Variants in SMIM3 observed in about 807,000 individuals in gnomAD.
SMIM3 encodes NGF-induced differentiation clone 67 protein.
A neutral mutation model predicts 2.1 loss-of-function variants in SMIM3; 4 were observed. That is an observed-to-expected ratio of 1.89 (90% CI 0.93 to 4.31). The LOEUF (loss-of-function observed/expected upper bound fraction) is 4.31, where lower values mean the gene tolerates loss of function less well. SMIM3 is among the 30% of genes most tolerant of loss of function. The probability of loss-of-function intolerance (pLI) is 0.01; values close to 1 mark genes in which losing one functional copy is unlikely to be tolerated. For synonymous variants in SMIM3, 29 were observed against 30.8 expected, an observed-to-expected ratio of 0.94 and a Z score of 0.19; for missense variants, 79 against 77.7, an observed-to-expected ratio of 1.02 and a Z score of -0.06.
chr5:150,792,016 T>G (rs771148321), intron 1 of SMIM3, among the ~76,000 whole-genome samples: 1 of 152,194 alleles, frequency 6.6e-6, no homozygotes, highest in Non-Finnish European at 1.5e-5. Flanking sequence ...TATTTTACTA[T>G]TAGTGGACAC....
intron 1 of SMIM3, among the ~76,000 whole-genome samples, chr5:150,782,407 C>A (rs1753244955): frequency 6.6e-6 from 1 of 152,152 alleles, no homozygotes; most frequent in Admixed American, 6.5e-5. Flanking sequence ...CTTCTAAGAA[C>A]AGAAAGATTC....
chr5:150,788,715 A>G (rs1323093482), intron 1 of SMIM3, among the ~76,000 whole-genome samples: 1 of 151,406 alleles, frequency 6.6e-6, no homozygotes, highest in African/African-American at 2.4e-5. Context: ...CCCACCTTAT[A>G]TTTGGTCTTG....
intron 1 of SMIM3, among the ~76,000 whole-genome samples, chr5:150,794,039 A>T (rs764622033): frequency 6.6e-6 from 1 of 152,226 alleles, no homozygotes; most frequent in Non-Finnish European, 1.5e-5. Context: ...TCAAAAGAAG[A>T]TGTACAAATG....
Position 150,783,914 on chromosome 5 carries a change from C to CTTTTT in SMIM3, c.-12+4961_-12+4965dup, listed in dbSNP as rs557905770. ...ACTAATGGCAGAGGCTTTGAACTCC[C>CTTTTT]TTTTTTTTTTTTTTTTTTTTTTTGA... On this transcript the variant is annotated intron_variant, in intron 1 of 1. Coordinates refer to ENST00000526627, the MANE Select transcript of SMIM3 (RefSeq NM_032947.5). Among the ~76,000 whole-genome samples the CTTTTT allele has an allele frequency of 1.1e-3, 131 of 124,282 alleles. 4 individuals are homozygous for CTTTTT. Among genetic ancestry groups the CTTTTT allele is most frequent in the African/African-American group, 3.4e-3 (101 of 29,782 alleles). 81.5% of individuals were successfully genotyped at this position (124,282 alleles called of 152,430 possible).
intron 1 of SMIM3, among the ~76,000 whole-genome samples, chr5:150,787,407 T>C (rs1419654462): frequency 1.3e-5 from 2 of 152,230 alleles, no homozygotes; most frequent in African/African-American, 4.8e-5. Flanking sequence ...CTTTATAGAT[T>C]GCGTATCTCT....
Position 150,778,967 on chromosome 5 carries a change from T to C in SMIM3, c.-17T>C. 2.0e-6 allele frequency: 1 copy of C among 507,342 alleles called. No homozygotes were observed. The highest frequency in any genetic ancestry group is 6.0e-5 in the East Asian group (1 of 16,762). 31.4% of individuals were successfully genotyped at this position (507,342 alleles called of 1,614,324 possible). On this transcript the variant is annotated 5_prime_UTR_variant, in exon 1 of 2. Coordinates refer to ENST00000526627, the MANE Select transcript of SMIM3 (RefSeq NM_032947.5). ...GGAACTTTCCGCAGACTCGCCGCCA[T>C]CTGGGGTGAGTGGGGCCACCGGGGG...
At chr5:150,791,590 T>G (rs1158174975) in intron 1 of SMIM3, among the ~76,000 whole-genome samples, 1 of 152,232 alleles carries the variant, frequency 6.6e-6, no homozygotes, top group African/African-American at 2.4e-5. Context: ...ACTAATTTCC[T>G]TCTTTTCTAA....
intron 1 of SMIM3, among the ~76,000 whole-genome samples, chr5:150,793,721 A>G (rs879914393): frequency 2.6e-5 from 4 of 152,224 alleles, no homozygotes; most frequent in African/African-American, 4.8e-5. Context: ...TAAAAATTCT[A>G]GAAGATAACT....
At chr5:150,786,825 G>T (rs1196688075) in intron 1 of SMIM3, among the ~76,000 whole-genome samples, 4 of 151,850 alleles carry the variant, frequency 2.6e-5, no homozygotes, top group African/African-American at 9.7e-5. Flanking sequence ...GATTAATTTT[G>T]GTTATGTGTT....
chr5:150,789,376 G>T (rs1233449182), intron 1 of SMIM3, among the ~76,000 whole-genome samples: 2 of 152,166 alleles, frequency 1.3e-5, no homozygotes, highest in African/African-American at 4.8e-5. Context: ...TTCTTTGACA[G>T]TAGGGAGAGG....
At chr5:150,787,807 TGGCTC>T (rs1393959466) in intron 1 of SMIM3, among the ~76,000 whole-genome samples, 5 of 152,336 alleles carry the variant, frequency 3.3e-5, no homozygotes, top group African/African-American at 1.2e-4. Context: ...AAGCAAATGC[TGGCTC>T]GTGTGATCCT....
intron 1 of SMIM3, among the ~76,000 whole-genome samples, chr5:150,784,100 G>A (rs1581620957): frequency 6.6e-6 from 1 of 151,818 alleles, no homozygotes; most frequent in Non-Finnish European, 1.5e-5. Flanking sequence ...TGTACTTTTA[G>A]TAGAGGCAGG....
At chr5:150,784,554 C>T (rs947281003) in intron 1 of SMIM3, among the ~76,000 whole-genome samples, 1 of 152,174 alleles carries the variant, frequency 6.6e-6, no homozygotes, top group African/African-American at 2.4e-5. Context: ...TAGAAAATCA[C>T]TTTACCTTTT....
At chr5:150,783,337 C>CATGTA (rs1753255885) in intron 1 of SMIM3, among the ~76,000 whole-genome samples, 2 of 152,204 alleles carry the variant, frequency 1.3e-5, no homozygotes, top group African/African-American at 4.8e-5. Context: ...AGGGTGGAGA[C>CATGTA]TTTTTGGAAG....
chr5:150,780,521 A>G (rs1753220699), intron 1 of SMIM3, among the ~76,000 whole-genome samples: 1 of 152,104 alleles, frequency 6.6e-6, no homozygotes, highest in Middle Eastern at 3.2e-3. Flanking sequence ...ACCTCTCCGA[A>G]CCTCAGAACT....
intron 1 of SMIM3, among the ~76,000 whole-genome samples, chr5:150,784,180 TA>T (rs1478341947): frequency 1.3e-5 from 2 of 152,144 alleles, no homozygotes; most frequent in Non-Finnish European, 2.9e-5. Flanking sequence ...CCGGGTTCAC[TA>T]GCTCAGCTTA....
intron 1 of SMIM3, among the ~76,000 whole-genome samples, chr5:150,788,833 A>G (rs1261527724): frequency 6.6e-6 from 1 of 152,060 alleles, no homozygotes; most frequent in Non-Finnish European, 1.5e-5. Flanking sequence ...TCCAGTTCAC[A>G]GGGCTGGTGG....
chr5:150,789,881 C>T (rs1561724493), intron 1 of SMIM3, among the ~76,000 whole-genome samples: 1 of 152,154 alleles, frequency 6.6e-6, no homozygotes, highest in African/African-American at 2.4e-5. Context: ...TAGGACTGCA[C>T]GCTTCCCCTG....
chr5:150,794,350 G>A (rs987880786), intron 1 of SMIM3, among the ~76,000 whole-genome samples: 4 of 151,974 alleles, frequency 2.6e-5, no homozygotes, highest in East Asian at 1.9e-4. Flanking sequence ...GTCATTATTC[G>A]AAAAAATACT....
Sources: allele counts gnomAD v4.1 joint callset (sites outside exome capture counted in the v4.1 genomes callset), GRCh38; gene constraint gnomAD v4.1.1; transcripts MANE v1.5; gene names NCBI Gene and HGNC (gene_info 2026-07-23, HGNC 2026-07-21).